The following PDE11A variants were observed in gnomAD, a reference collection of about 807,000 sequenced individuals.
The protein encoded by PDE11A is phosphodiesterase 11A.
PDE11A carries 100 observed loss-of-function variants against 100.5 expected under a neutral mutation model. The observed-to-expected ratio is 1.00, with a 90% CI of 0.85 to 1.18. The LOEUF is 1.18. Ranked by LOEUF, PDE11A falls within the 50% of genes most tolerant of loss-of-function variation. The pLI, the probability that PDE11A is intolerant of heterozygous loss-of-function variation, is 0.00. For missense variants in PDE11A, 1,141 were observed against 1,152.6 expected, an observed-to-expected ratio of 0.99 and a Z score of 0.15; for synonymous variants, 381 against 420.8, an observed-to-expected ratio of 0.91 and a Z score of 1.16.
Position 177,680,921 on chromosome 2 carries a change from G to T in PDE11A, c.2346-18C>A. The T allele has an allele frequency of 2.1e-6, 3 of 1,431,952 alleles. No homozygotes were observed. Among genetic ancestry groups the T allele is most frequent in the Non-Finnish European group, 2.9e-6 (3 of 1,020,240 alleles). 88.7% of individuals were successfully genotyped at this position (1,431,952 alleles called of 1,614,324 possible). A position where few individuals can be genotyped will look rare whatever the true frequency, so the allele number is the denominator to read the frequency against. ...TTCTCCTCCTGCAGGAAAATCAAAT[G>T]AAGAAAGAAAGAAAAAAAAAACTGG... On this transcript the variant is annotated intron_variant, in intron 15 of 19. Coordinates refer to ENST00000286063, the MANE Select transcript of PDE11A (RefSeq NM_016953.4).
intron 6 of PDE11A, among the ~76,000 whole-genome samples, chr2:177,839,610 G>C (rs1040093244): frequency 2.0e-5 from 3 of 152,044 alleles, no homozygotes; most frequent in Admixed American, 1.3e-4. Context: ...AGCTTTGCCT[G>C]GAACACACAT....
At chr2:178,003,428 G>C (rs2086167996) in intron 2 of PDE11A, among the ~76,000 whole-genome samples, 1 of 152,106 alleles carries the variant, frequency 6.6e-6, no homozygotes, top group Non-Finnish European at 1.5e-5. Context: ...AAAACGTTAT[G>C]CTAAGGGAAA....
chr2:177,763,841 A>T (rs1272861974), intron 10 of PDE11A, among the ~76,000 whole-genome samples: 1 of 152,114 alleles, frequency 6.6e-6, no homozygotes, highest in Non-Finnish European at 1.5e-5. Context: ...CTTTGTGGCA[A>T]TTGGAGAAAG....
intron 19 of PDE11A, among the ~76,000 whole-genome samples, chr2:177,659,605 T>C (rs2080444193): frequency 6.6e-6 from 1 of 152,156 alleles, no homozygotes; most frequent in African/African-American, 2.4e-5. Context: ...ACCACTGACA[T>C]TCTAGGTACA....
chr2:178,030,306 G>A (rs1427375390), intron 1 of PDE11A, among the ~76,000 whole-genome samples: 3 of 151,950 alleles, frequency 2.0e-5, no homozygotes, highest in African/African-American at 7.2e-5. Flanking sequence ...GAAATAAATA[G>A]ATAAAAACTT....
intron 2 of PDE11A, among the ~76,000 whole-genome samples, chr2:177,939,984 T>C (rs2085327549): frequency 6.6e-6 from 1 of 152,216 alleles, no homozygotes; most frequent in Non-Finnish European, 1.5e-5. Context: ...AAAAATAGTT[T>C]TTCAATTTTT....
chr2:178,073,139 G>A (rs1574384574), upstream of PDE11A: 1 of 888,358 alleles, frequency 1.1e-6, no homozygotes, highest in Non-Finnish European at 1.3e-6. Flanking sequence ...GTTTTGCAGG[G>A]ATCTGAACAC....
intron 2 of PDE11A, among the ~76,000 whole-genome samples, chr2:177,906,177 ACACGCACGCACG>A (rs3037874): frequency 0.12 from 18,604 of 151,106 alleles, 1,519 homozygotes; most frequent in Non-Finnish European, 0.18. Flanking sequence ...ACACACACAC[ACACGCACGCACG>A]CACGCACGCA....
intron 19 of PDE11A, among the ~76,000 whole-genome samples, chr2:177,655,966 T>C (rs1308516460): frequency 6.6e-6 from 1 of 152,188 alleles, no homozygotes; most frequent in East Asian, 1.9e-4. Flanking sequence ...CAATGCTGGA[T>C]AAAAGAAAAT....
intron 10 of PDE11A, among the ~76,000 whole-genome samples, chr2:177,768,266 C>T (rs151172956): frequency 0.01 from 1,586 of 151,384 alleles, 34 homozygotes; most frequent in African/African-American, 0.036. Flanking sequence ...ATCATTCATG[C>T]GCTTGTGTTT....
At chr2:178,093,446 C>G (rs1022294418) in intron 2 of PDE11A, among the ~76,000 whole-genome samples, 1 of 152,150 alleles carries the variant, frequency 6.6e-6, no homozygotes, top group East Asian at 1.9e-4. Context: ...CTGCCTCTAT[C>G]CAGATCTCCA....
At chr2:177,963,961 C>T (rs188957776) in intron 2 of PDE11A, among the ~76,000 whole-genome samples, 1 of 152,244 alleles carries the variant, frequency 6.6e-6, no homozygotes, top group Non-Finnish European at 1.5e-5. Flanking sequence ...AAGGGAGGCC[C>T]TGAGTCTTAC....
chr2:177,770,734 G>A (rs2082300150), intron 9 of PDE11A, among the ~76,000 whole-genome samples: 1 of 152,176 alleles, frequency 6.6e-6, no homozygotes, highest in Non-Finnish European at 1.5e-5. Flanking sequence ...AATGCACATT[G>A]GTGGCATTTT....
intron 1 of PDE11A, among the ~76,000 whole-genome samples, chr2:178,038,198 C>T (rs2086641040): frequency 6.6e-6 from 1 of 151,946 alleles, no homozygotes. Flanking sequence ...TGGTTACACC[C>T]ATGAAATGGC....
In PDE11A at chr2:177,982,043, C is replaced by T. The variant is rs187893693; in HGVS notation, c.1071+32259G>A. 9.9e-5 allele frequency among the ~76,000 whole-genome samples: 15 copies of T among 151,108 alleles called. No individual in the cohort carries two copies. The East Asian group carries it at 2.9e-3, about 29-fold the overall frequency. ...AAGTATATACTACACAGAGAAAGGG[C>T]ATGTATCCTTACTTTGAATGGTGTG... On this transcript the variant is annotated intron_variant, in intron 2 of 19. Coordinates refer to ENST00000286063, the MANE Select transcript of PDE11A (RefSeq NM_016953.4).
intron 9 of PDE11A, among the ~76,000 whole-genome samples, chr2:177,770,817 A>G (rs1201066681): frequency 6.6e-6 from 1 of 152,194 alleles, no homozygotes; most frequent in Admixed American, 6.5e-5. Flanking sequence ...TTATGCTGCC[A>G]GACACATGTT....
At chr2:177,635,612 C>G (rs1527399) in intron 19 of PDE11A, among the ~76,000 whole-genome samples, 118,813 of 152,138 alleles carry the variant, frequency 0.78, 47,128 homozygotes, top group East Asian at 0.9. Context: ...GGATACAAAA[C>G]GGTACAAAGG....
intron 2 of PDE11A, among the ~76,000 whole-genome samples, chr2:177,958,230 T>C (rs541057170): frequency 4.6e-4 from 70 of 152,220 alleles, no homozygotes; most frequent in African/African-American, 1.7e-3. Flanking sequence ...CTCTAGTACA[T>C]AAAGTATTGC....
chr2:177,699,852 G>C (rs1241616777), intron 14 of PDE11A, among the ~76,000 whole-genome samples: 1 of 152,194 alleles, frequency 6.6e-6, no homozygotes, highest in African/African-American at 2.4e-5. Flanking sequence ...GTGAAGGACG[G>C]CCAATGTGTT....
Sources: allele counts gnomAD v4.1 joint callset (sites outside exome capture counted in the v4.1 genomes callset), GRCh38; gene constraint gnomAD v4.1.1; transcripts MANE v1.5; gene names NCBI Gene and HGNC (gene_info 2026-07-23, HGNC 2026-07-21).